The following FGF12 variants were observed in gnomAD, a reference collection of about 807,000 sequenced individuals.
FGF12 encodes fibroblast growth factor 12, also known as fibroblast growth factor 12B.
In FGF12, 14 loss-of-function variants were observed where a neutral mutation model predicts 23.6. That is an observed-to-expected ratio of 0.59 (90% confidence interval 0.39 to 0.93). FGF12 has a LOEUF of 0.93. Ranked by LOEUF, FGF12 falls within the 40% of genes least tolerant of loss-of-function variation. The pLI is 0.00. For synonymous variants in FGF12, 62 were observed against 77.3 expected (o/e 0.80, Z 1.04); for missense variants, 175 against 217.8 (o/e 0.80, Z 1.24).
rs1330980139 is a variant in FGF12, at chr3:192,380,086, T to C, written c.14-19548A>G. On this transcript the variant is annotated intron_variant, in intron 2 of 5. Transcript: ENST00000445105. ...TAATAACAATATTTAAATTAAAGGC[T>C]ATGCCAGAAATCTCTAAGAACACTA... 4.6e-5 allele frequency among the ~76,000 whole-genome samples: 7 copies of C among 152,280 alleles called. No homozygotes were observed. In the East Asian group the frequency reaches 1.2e-3, roughly 25 times the overall value.
intron 2 of FGF12, among the ~76,000 whole-genome samples, chr3:192,414,790 C>T (rs192180031): frequency 1.3e-5 from 2 of 152,262 alleles, no homozygotes; most frequent in Admixed American, 6.5e-5. Context: ...CATTCACTAG[C>T]TTCTAACATG....
intron 2 of FGF12, among the ~76,000 whole-genome samples, chr3:192,473,879 T>A (rs959603162): frequency 6.6e-6 from 1 of 152,212 alleles, no homozygotes; most frequent in African/African-American, 2.4e-5. Context: ...GAGAATATCA[T>A]GTCTCCAGAC....
chr3:192,505,830 C>T (rs1724274747), intron 2 of FGF12, among the ~76,000 whole-genome samples: 1 of 152,150 alleles, frequency 6.6e-6, no homozygotes, highest in African/African-American at 2.4e-5. Context: ...TGCTAAGTGG[C>T]CATTCCCACA....
chr3:192,468,683 C>A (rs1036418680), intron 2 of FGF12, among the ~76,000 whole-genome samples: 8 of 152,164 alleles, frequency 5.3e-5, no homozygotes, highest in African/African-American at 1.7e-4. Context: ...TTCCAGGTTT[C>A]TTCTCCAGAA....
chr3:192,546,318 C>A (rs1455077155), intron 2 of FGF12, among the ~76,000 whole-genome samples: 1 of 151,972 alleles, frequency 6.6e-6, no homozygotes, highest in Non-Finnish European at 1.5e-5. Flanking sequence ...ACAAATTAAA[C>A]CTATCATCAC....
chr3:192,570,232 G>T (rs111911072), intron 2 of FGF12, among the ~76,000 whole-genome samples: 37 of 152,276 alleles, frequency 2.4e-4, no homozygotes, highest in Admixed American at 1.9e-3. Flanking sequence ...TTTTCCATGG[G>T]GGGGAGGGCC....
rs141604041 is a variant in FGF12, at chr3:192,344,767, A to G, written c.125-9303T>C. On this transcript the variant is annotated intron_variant, in intron 3 of 5. Transcript: ENST00000445105. ...ATTGACTTTTAATCCTGATAATATCATATAACCTTTCCTATGATAGTTCAA... is the reference window on the plus strand; with the variant it reads ...ATTGACTTTTAATCCTGATAATATCGTATAACCTTTCCTATGATAGTTCAA... Among the ~76,000 whole-genome samples, 756 of 152,340 alleles carry G rather than the reference A, an allele frequency of 5.0e-3. 8 individuals carry two copies. Among genetic ancestry groups the G allele is most frequent in the African/African-American group, 0.017 (712 of 41,580 alleles).
At chr3:192,464,243 C>T (rs780454542) in intron 2 of FGF12, among the ~76,000 whole-genome samples, 5 of 152,094 alleles carry the variant, frequency 3.3e-5, no homozygotes, top group Non-Finnish European at 5.9e-5. Flanking sequence ...ATCACCCAAG[C>T]GGTGTATACT....
In FGF12 at chr3:192,514,846, C is replaced by T; in HGVS notation, c.14-154308G>A. The T allele has an allele frequency of 2.0e-6, 2 of 985,326 alleles. No individual in the cohort carries two copies. Among genetic ancestry groups the T allele is most frequent in the Non-Finnish European group, 2.4e-6 (2 of 829,900 alleles). The allele number at this position is 985,326 out of a possible 1,614,324, so 61.0% of individuals were successfully genotyped here. ...GGCGGCCTGTCTTCGGAAGCCGGGT[C>T]CCGAGTCCATCGCGCGCGCCCAGGT... On this transcript the variant is annotated intron_variant, in intron 2 of 5. Transcript: ENST00000445105. This position sits in a 1 kb window ranked among gnomAD's most constrained non-coding sequence, Gnocchi z 4.9.
intron 4 of FGF12, among the ~76,000 whole-genome samples, chr3:192,199,302 T>C (rs59774662): frequency 0.015 from 2,342 of 152,264 alleles, 64 homozygotes; most frequent in African/African-American, 0.054. Context: ...GTGTACTGAG[T>C]TGTGCTCCTG....
intron 4 of FGF12, among the ~76,000 whole-genome samples, chr3:192,193,982 A>G (rs530215848): frequency 9.2e-5 from 14 of 152,306 alleles, no homozygotes; most frequent in Admixed American, 8.5e-4. Context: ...TATGTAGAAA[A>G]AATAAAAGCA....
intron 2 of FGF12, among the ~76,000 whole-genome samples, chr3:192,692,012 T>C (rs1188225565): frequency 6.6e-6 from 1 of 152,120 alleles, no homozygotes; most frequent in Non-Finnish European, 1.5e-5. Context: ...AAGAGATTAA[T>C]GTAGTAATTA....
At chr3:192,279,885 A>G (rs1714041058) in intron 4 of FGF12, among the ~76,000 whole-genome samples, 2 of 152,204 alleles carry the variant, frequency 1.3e-5, no homozygotes, top group African/African-American at 4.8e-5. Context: ...CAGCTCTAAA[A>G]GAATATGTGT....
At chr3:192,351,971 T>C (rs1406411708) in intron 3 of FGF12, among the ~76,000 whole-genome samples, 2 of 152,126 alleles carry the variant, frequency 1.3e-5, no homozygotes, top group Non-Finnish European at 2.9e-5. Context: ...AATTTGCATA[T>C]GTAAAAGCTC....
chr3:192,548,394 C>T (rs1020483697), intron 2 of FGF12, among the ~76,000 whole-genome samples: 2 of 152,118 alleles, frequency 1.3e-5, no homozygotes, highest in African/African-American at 4.8e-5. Context: ...TCAATGCCTT[C>T]ATTGTACAAA....
intron 2 of FGF12, among the ~76,000 whole-genome samples, chr3:192,587,938 AT>A (rs1302559690): frequency 6.6e-6 from 1 of 151,790 alleles, no homozygotes; most frequent in African/African-American, 2.4e-5. Context: ...TAATACTTTT[AT>A]TTTTGCCTTC....
chr3:192,339,421 C>T (rs1023342572), intron 3 of FGF12, among the ~76,000 whole-genome samples: 3 of 152,100 alleles, frequency 2.0e-5, no homozygotes, highest in Non-Finnish European at 4.4e-5. Flanking sequence ...CTGCTTACAA[C>T]CTGCAGTGAT....
intron 2 of FGF12, among the ~76,000 whole-genome samples, chr3:192,626,353 A>G (rs1715169022): frequency 6.6e-6 from 1 of 152,196 alleles, no homozygotes. Flanking sequence ...CTTCAGGATC[A>G]AATCATATTC....
At chr3:192,312,029 C>T (rs1262210541) in intron 4 of FGF12, among the ~76,000 whole-genome samples, 1 of 151,724 alleles carries the variant, frequency 6.6e-6, no homozygotes, top group Non-Finnish European at 1.5e-5. Context: ...CTTTTTATTA[C>T]TGAGTTATAA....
Sources: gnomAD v4.1 joint callset for allele counts (sites outside exome capture counted in the v4.1 genomes callset) on GRCh38, gnomAD v4.1.1 for gene constraint, Gnocchi (gnomAD v3.1) non-coding constraint, MANE v1.5 for transcripts, NCBI Gene and HGNC (gene_info 2026-07-23, HGNC 2026-07-21) for gene names.